The following KMT5B variants were observed in gnomAD, a reference collection of about 807,000 sequenced individuals.
KMT5B encodes histone-lysine N-methyltransferase KMT5B.
In KMT5B, 10 loss-of-function variants were observed where a neutral mutation model predicts 83.2. The observed-to-expected ratio is 0.12, with a 90% CI of 0.07 to 0.20. The LOEUF is 0.20. KMT5B is among the 10% of genes least tolerant of loss of function. KMT5B has a pLI of 1.00. For synonymous variants in KMT5B, 349 were observed against 388.8 expected, an observed-to-expected ratio of 0.90 and a Z score of 1.20; for missense variants, 753 against 1,067.2, an observed-to-expected ratio of 0.71 and a Z score of 4.10.
intron 3 of KMT5B, among the ~76,000 whole-genome samples, chr11:68,184,187 C>CA (rs1395943543): frequency 6.6e-6 from 1 of 151,938 alleles, no homozygotes; most frequent in Non-Finnish European, 1.5e-5. Context: ...GCCTGGTCAA[C>CA]ATGGTGAAAC....
At chr11:68,197,653 T>A (rs1350766236) in intron 1 of KMT5B, among the ~76,000 whole-genome samples, 1 of 152,092 alleles carries the variant, frequency 6.6e-6, no homozygotes, top group Non-Finnish European at 1.5e-5. Flanking sequence ...CTGGAAAAAA[T>A]CTGTGCCCTC....
intron 1 of KMT5B, among the ~76,000 whole-genome samples, chr11:68,191,215 G>A (rs1042176761): frequency 2.0e-4 from 30 of 149,010 alleles, no homozygotes; most frequent in Middle Eastern, 3.4e-3. Context: ...GTGTAGAGAC[G>A]AGGTCTCACT....
intron 1 of KMT5B, among the ~76,000 whole-genome samples, chr11:68,207,021 T>A (rs1860202863): frequency 6.6e-6 from 1 of 151,658 alleles, no homozygotes; most frequent in Non-Finnish European, 1.5e-5. Context: ...GGCGGGCGGA[T>A]CACGAGGTCA....
At chr11:68,206,163 G>T (rs1211423174) in intron 1 of KMT5B, among the ~76,000 whole-genome samples, 1 of 152,112 alleles carries the variant, frequency 6.6e-6, no homozygotes, top group East Asian at 1.9e-4. Context: ...ACTTCCAGAA[G>T]AAAACAAAAA....
At chr11:68,210,674 G>A (rs1474598235) in intron 1 of KMT5B, among the ~76,000 whole-genome samples, 5 of 152,084 alleles carry the variant, frequency 3.3e-5, no homozygotes, top group African/African-American at 1.2e-4. Flanking sequence ...TTCGGAGACC[G>A]GCTAGCCCCA....
chr11:68,159,594 G>A lies in KMT5B; in HGVS notation c.1175-423C>T, dbSNP rs147237545. On this transcript the variant is annotated intron_variant, in intron 10 of 10. Coordinates refer to ENST00000304363, the MANE Select transcript of KMT5B (RefSeq NM_017635.5). ...ATTTAAAATGTTTCTAAAATCCATT[G>A]CTCATTAACCTAAAGGAAGTACAGC... Among the ~76,000 whole-genome samples, 38 of 152,230 alleles carry A rather than the reference G, an allele frequency of 2.5e-4. 1 individual carries two copies. The highest frequency in any genetic ancestry group is 8.4e-4 in the African/African-American group (35 of 41,540).
At chr11:68,195,071 G>A (rs1858547327) in intron 1 of KMT5B, among the ~76,000 whole-genome samples, 1 of 152,170 alleles carries the variant, frequency 6.6e-6, no homozygotes, top group Admixed American at 6.5e-5. Flanking sequence ...GTTACACTCA[G>A]GAGGCTGAAG....
rs147939833 is a variant in KMT5B at position 68,173,347 on chromosome 11, A to G, written c.653+457T>C. Among the ~76,000 whole-genome samples the G allele has an allele frequency of 4.3e-3, 653 of 152,266 alleles. 3 individuals carry two copies. Among genetic ancestry groups the G allele is most frequent in the Non-Finnish European group, 8.0e-3 (544 of 68,012 alleles). On this transcript the variant is annotated intron_variant, in intron 6 of 10. Coordinates refer to ENST00000304363, the MANE Select transcript of KMT5B (RefSeq NM_017635.5). ...TGAGCCAATGCCCCCCACCAACTCT[A>G]CTATTTTTATTGAAGCTGGCATATA...
At chr11:68,185,720 A>G (rs1857381035) in intron 3 of KMT5B, 61 bp downstream of exon 3, 19 of 1,467,732 alleles carry the variant, frequency 1.3e-5, no homozygotes, top group Non-Finnish European at 1.7e-5. Context: ...AAAATTAGCC[A>G]TCTATGTTCT....
Position 68,171,748 on chromosome 11 carries a change from TTAAA to T in KMT5B, c.654-43_654-40del. On this transcript the variant is annotated intron_variant, in intron 6 of 10. Transcript: ENST00000304363. This position sits in a 1 kb window ranked among gnomAD's most constrained non-coding sequence, Gnocchi z 5.1. ...GTGATGTGTTAAAAATTACTAGTAATTAAATATAGTAAGGCTTCTTTTAATAAAA... is the reference window on the plus strand; with the variant it reads ...GTGATGTGTTAAAAATTACTAGTAATTATAGTAAGGCTTCTTTTAATAAAA... The T allele has an allele frequency of 6.9e-7, 1 of 1,450,436 alleles. No individual in the cohort carries two copies. The highest frequency in any genetic ancestry group is 9.6e-7 in the Non-Finnish European group (1 of 1,044,266). 89.8% of individuals were successfully genotyped at this position (1,450,436 alleles called of 1,614,324 possible).
rs558497115 is a variant in KMT5B, at chr11:68,174,638, T to C, written c.543+380A>G. ...CTAACTCTTGGGCACAAGCAATGCT[T>C]CTGGCTCTGCTTCCTGAGTAGCCGG... On this transcript the variant is annotated intron_variant, in intron 5 of 10. Transcript: ENST00000304363. Among the ~76,000 whole-genome samples, 9 of 151,950 alleles carry C rather than the reference T, an allele frequency of 5.9e-5. No individual in the cohort carries two copies. In the East Asian group the frequency reaches 1.7e-3, roughly 29 times the overall value.
chr11:68,167,146 C>A lies in KMT5B; in HGVS notation c.1010G>T (p.Gly337Val). 1 of 1,613,108 alleles carries A rather than the reference C, an allele frequency of 6.2e-7. No individual in the cohort carries two copies. The highest frequency in any genetic ancestry group is 8.5e-7 in the Non-Finnish European group (1 of 1,179,512). ...RGTGAFKSRV[G>V]LPAPAPVINS... is the part of the protein sequence containing the mutation. ...GATAACAGGAGCAGGCGCAGGCAGT[C>A]CCACTCTGGATTTAAAAGCACCAGT... The change falls in exon 10 of 11, where the codon GGA becomes GTA. Residue 337 changes from glycine (G) to valine (V), a missense_variant. Physicochemically the swap from Gly to Val is moderately radical, Grantham distance 109. This residue lies in a region of KMT5B where 16 missense variants were observed against 16.1 expected (regional missense o/e 0.99). Coordinates refer to ENST00000304363, the MANE Select transcript of KMT5B (RefSeq NM_017635.5).
chr11:68,189,070 T>C (rs1857751543), intron 2 of KMT5B, among the ~76,000 whole-genome samples: 1 of 152,198 alleles, frequency 6.6e-6, no homozygotes, highest in Non-Finnish European at 1.5e-5. Context: ...AGGAAATCTA[T>C]CAGAACTTGT....
intron 1 of KMT5B, among the ~76,000 whole-genome samples, chr11:68,193,049 C>T (rs187721064): frequency 0.011 from 1,620 of 152,268 alleles, 13 homozygotes; most frequent in Middle Eastern, 0.031. Flanking sequence ...AAAAGGATGT[C>T]CATGATACCA....
At chr11:68,209,543 A>G (rs1176031791) in intron 1 of KMT5B, among the ~76,000 whole-genome samples, 1 of 152,212 alleles carries the variant, frequency 6.6e-6, no homozygotes, top group African/African-American at 2.4e-5. Context: ...AGGCATTCCT[A>G]TAAAGGTGGC....
chr11:68,178,656 A>T (rs1165817090), intron 4 of KMT5B, among the ~76,000 whole-genome samples: 1 of 152,244 alleles, frequency 6.6e-6, no homozygotes, highest in Non-Finnish European at 1.5e-5. Flanking sequence ...GAGATGAGAC[A>T]GTTGTTTTCA....
intron 1 of KMT5B, among the ~76,000 whole-genome samples, chr11:68,193,804 T>C (rs1858377411): frequency 6.6e-6 from 1 of 151,778 alleles, no homozygotes; most frequent in South Asian, 2.1e-4. Context: ...AGTATACTTT[T>C]TTTTTTTTTT....
intron 1 of KMT5B, among the ~76,000 whole-genome samples, chr11:68,206,439 C>T (rs1860122244): frequency 6.6e-6 from 1 of 152,178 alleles, no homozygotes; most frequent in South Asian, 2.1e-4. Flanking sequence ...AAAGGTGGTT[C>T]TTGGGCTGGA....
At chr11:68,166,669 G>C in intron 10 of KMT5B, 1 of 1,120,164 alleles carries the variant, frequency 8.9e-7, no homozygotes, top group South Asian at 3.1e-5. Context: ...AGGACTTAGC[G>C]ACATCATCAC....
Sources: allele counts gnomAD v4.1 joint callset (sites outside exome capture counted in the v4.1 genomes callset), GRCh38; gene constraint gnomAD v4.1.1; regional missense constraint gnomAD v4.1.1; non-coding constraint Gnocchi (gnomAD v3.1); transcripts MANE v1.5; gene names NCBI Gene and HGNC (gene_info 2026-07-23, HGNC 2026-07-21).